Variants in NPAS3 observed in about 807,000 individuals in gnomAD.
The protein encoded by NPAS3 is neuronal PAS domain protein 3.
A neutral mutation model predicts 73.1 loss-of-function variants in NPAS3; 14 were observed. The observed-to-expected ratio is 0.19, with a 90% CI of 0.13 to 0.30. The LOEUF is 0.30. NPAS3 is among the 10% of genes least tolerant of loss of function. The pLI, the probability that NPAS3 is intolerant of heterozygous loss-of-function variation, is 1.00. For missense variants in NPAS3, 1,096 were observed against 1,250.0 expected, an observed-to-expected ratio of 0.88 and a Z score of 1.86; for synonymous variants, 620 against 541.5, an observed-to-expected ratio of 1.14 and a Z score of -2.01.
At chr14:32,958,708 C>T (rs1420980704) in intron 1 of NPAS3, among the ~76,000 whole-genome samples, 1 of 152,144 alleles carries the variant, frequency 6.6e-6, no homozygotes, top group African/African-American at 2.4e-5. Flanking sequence ...CCCATGGATA[C>T]CTCAAACTCA....
At chr14:33,092,904 C>G (rs1382640132) in intron 2 of NPAS3, among the ~76,000 whole-genome samples, 1 of 152,198 alleles carries the variant, frequency 6.6e-6, no homozygotes, top group East Asian at 1.9e-4. Context: ...GCTGGGAAAA[C>G]TGACTAGTCA....
chr14:33,584,401 T>TAA (rs5807734), intron 5 of NPAS3, among the ~76,000 whole-genome samples: 32,303 of 84,244 alleles, frequency 0.38, 3,720 homozygotes, highest in Middle Eastern at 0.46. Context: ...GATGTTTATT[T>TAA]AAAAAAAAAA....
chr14:33,198,344 CGCTGATTGGTCCATTTTACAGAGA>C (rs1251181473), intron 2 of NPAS3, among the ~76,000 whole-genome samples: 2 of 151,410 alleles, frequency 1.3e-5, no homozygotes, highest in East Asian at 1.9e-4. Context: ...TTTTACAGAG[CGCTGATTGGTCCATTTTACAGAGA>C]GCTGATTGGT....
At chr14:33,791,365 C>G (rs1375294734) in intron 9 of NPAS3, among the ~76,000 whole-genome samples, 1 of 152,202 alleles carries the variant, frequency 6.6e-6, no homozygotes, top group Non-Finnish European at 1.5e-5. Flanking sequence ...TCCTCTCTTG[C>G]TAGCTGACCC....
chr14:33,399,684 G>T (rs910980181), intron 4 of NPAS3, among the ~76,000 whole-genome samples: 1 of 151,316 alleles, frequency 6.6e-6, no homozygotes, highest in Admixed American at 6.6e-5. Flanking sequence ...TTATGCCACA[G>T]AAATAAGCCA....
intron 3 of NPAS3, among the ~76,000 whole-genome samples, chr14:33,306,212 C>G (rs2042748527): frequency 6.8e-6 from 1 of 147,124 alleles, no homozygotes; most frequent in Non-Finnish European, 1.5e-5. Flanking sequence ...TTATTTTTAT[C>G]TCTTTCTAAG....
chr14:33,215,010 G>C, intron 2 of NPAS3, 172 bp from the exon 3 acceptor site: 3 of 651,870 alleles, frequency 4.6e-6, no homozygotes, highest in Admixed American at 5.9e-5. Flanking sequence ...CAGAGTTAGA[G>C]TTTATGGCTT....
intron 3 of NPAS3, among the ~76,000 whole-genome samples, chr14:33,339,698 A>G (rs1328802476): frequency 6.6e-6 from 1 of 152,172 alleles, no homozygotes; most frequent in Non-Finnish European, 1.5e-5. Context: ...ATAAATAATC[A>G]GCATGACAGT....
intron 6 of NPAS3, among the ~76,000 whole-genome samples, chr14:33,729,837 A>C (rs1253588562): frequency 2.0e-5 from 3 of 152,186 alleles, no homozygotes; most frequent in Non-Finnish European, 4.4e-5. Context: ...ACCTTTTAGA[A>C]GGAGGAGTTT....
intron 2 of NPAS3, among the ~76,000 whole-genome samples, chr14:33,181,772 G>A (rs1301376425): frequency 6.6e-6 from 1 of 152,152 alleles, no homozygotes; most frequent in Non-Finnish European, 1.5e-5. Flanking sequence ...TTTTTCTCCA[G>A]CTTCCTCCTT....
rs575278869 is a variant in NPAS3, at chr14:33,454,067, T to G, written c.468+86799T>G. On this transcript the variant is annotated intron_variant, in intron 4 of 11. Transcript: ENST00000356141. ...CCTGGCTGCCAGGGACTAAATTTCA[T>G]GCTCAGTTATGATAGCTTCCTTTAG... Among the ~76,000 whole-genome samples, 5 of 151,692 alleles carry G rather than the reference T, an allele frequency of 3.3e-5. No homozygotes were observed. The South Asian group carries it at 1.0e-3, about 31-fold the overall frequency.
At chr14:33,149,711 C>A (rs2044376043) in intron 2 of NPAS3, among the ~76,000 whole-genome samples, 1 of 152,098 alleles carries the variant, frequency 6.6e-6, no homozygotes, top group East Asian at 1.9e-4. Context: ...ATATTTGGTT[C>A]TTGAACTTCA....
At chr14:33,013,328 T>G (rs549482537) in intron 1 of NPAS3, among the ~76,000 whole-genome samples, 13 of 152,332 alleles carry the variant, frequency 8.5e-5, no homozygotes, top group East Asian at 5.8e-4. Flanking sequence ...TGATCCAGAC[T>G]TAGCATTTCT....
intron 2 of NPAS3, among the ~76,000 whole-genome samples, chr14:33,205,760 TA>T (rs1337602178): frequency 1.3e-5 from 2 of 152,202 alleles, no homozygotes; most frequent in Non-Finnish European, 2.9e-5. Context: ...CATATGACCA[TA>T]ACTTAAATTT....
intron 5 of NPAS3, among the ~76,000 whole-genome samples, chr14:33,632,029 A>G (rs899898380): frequency 6.6e-6 from 1 of 152,194 alleles, no homozygotes; most frequent in African/African-American, 2.4e-5. Context: ...TGGCATAGAC[A>G]TTATCTCTTA....
chr14:33,552,052 A>G (rs2055141907), intron 4 of NPAS3, among the ~76,000 whole-genome samples: 1 of 152,224 alleles, frequency 6.6e-6, no homozygotes, highest in Admixed American at 6.5e-5. Flanking sequence ...TTAAGAAAGC[A>G]GCTTGTGACT....
At chr14:33,069,419 G>A (rs2041402754) in intron 2 of NPAS3, among the ~76,000 whole-genome samples, 1 of 152,168 alleles carries the variant, frequency 6.6e-6, no homozygotes, top group South Asian at 2.1e-4. Flanking sequence ...CTTTTAAAAA[G>A]GTACTCGTTA....
intron 5 of NPAS3, among the ~76,000 whole-genome samples, chr14:33,564,637 G>A (rs1210628475): frequency 6.6e-6 from 1 of 152,182 alleles, no homozygotes; most frequent in Non-Finnish European, 1.5e-5. Context: ...TTTCTTCTAA[G>A]CCCTCATGAG....
intron 8 of NPAS3, among the ~76,000 whole-genome samples, chr14:33,775,834 A>G (rs1438285998): frequency 1.3e-5 from 2 of 152,214 alleles, no homozygotes; most frequent in Non-Finnish European, 2.9e-5. Context: ...GGCAGTTCCT[A>G]ATAAAGATGG....
Sources: gnomAD v4.1 joint callset for allele counts (sites outside exome capture counted in the v4.1 genomes callset) on GRCh38, gnomAD v4.1.1 for gene constraint, MANE v1.5 for transcripts, NCBI Gene and HGNC (gene_info 2026-07-23, HGNC 2026-07-21) for gene names.